The following PCDH15 variants were observed in gnomAD, a reference collection of about 807,000 sequenced individuals.
PCDH15 encodes the protein protocadherin related 15.
Under a neutral mutation model 178.5 loss-of-function variants are expected in PCDH15, and 129 were observed. The observed-to-expected ratio is 0.72, with a 90% CI of 0.63 to 0.84. The LOEUF (loss-of-function observed/expected upper bound fraction) is 0.84, where lower values mean the gene tolerates loss of function less well. Ranked by LOEUF, PCDH15 falls within the 40% of genes least tolerant of loss-of-function variation. The pLI is 0.00. For synonymous variants in PCDH15, 800 were observed against 732.0 expected, an observed-to-expected ratio of 1.09 and a Z score of -1.50; for missense variants, 2,230 against 2,099.9, an observed-to-expected ratio of 1.06 and a Z score of -1.21.
chr10:54,449,570 C>T (rs967894561), intron 3 of PCDH15, among the ~76,000 whole-genome samples: 3 of 151,624 alleles, frequency 2.0e-5, no homozygotes, highest in East Asian at 3.9e-4. Context: ...TCAGGATATG[C>T]CTAAAAACTG....
At chr10:55,131,845 G>T (rs1252671370) in intron 2 of PCDH15, among the ~76,000 whole-genome samples, 1 of 152,152 alleles carries the variant, frequency 6.6e-6, no homozygotes, top group East Asian at 1.9e-4. Flanking sequence ...CCCAGAAAAA[G>T]CACCATGAAT....
chr10:53,853,430 G>A (rs1290807227), intron 28 of PCDH15, among the ~76,000 whole-genome samples: 1 of 152,002 alleles, frequency 6.6e-6, no homozygotes. Context: ...GACTACCTCT[G>A]ACTTTAAAAC....
At chr10:54,963,593 A>G (rs1280224711) in intron 2 of PCDH15, among the ~76,000 whole-genome samples, 1 of 152,230 alleles carries the variant, frequency 6.6e-6, no homozygotes, top group Admixed American at 6.5e-5. Context: ...AAAGGTGAAT[A>G]TTAGGCAACA....
intron 2 of PCDH15, among the ~76,000 whole-genome samples, chr10:54,979,894 A>G (rs956881866): frequency 6.6e-6 from 1 of 152,164 alleles, no homozygotes; most frequent in African/African-American, 2.4e-5. Flanking sequence ...TGTCTAAGAT[A>G]AATTTTGGTT....
At chr10:54,827,450 G>C (rs1175948876) in intron 3 of PCDH15, among the ~76,000 whole-genome samples, 2 of 151,992 alleles carry the variant, frequency 1.3e-5, no homozygotes, top group East Asian at 1.9e-4. Context: ...AGCCTCCTGA[G>C]CCTTGGTCTT....
intron 8 of PCDH15, among the ~76,000 whole-genome samples, chr10:54,294,371 A>G (rs2059614325): frequency 6.6e-6 from 1 of 152,176 alleles, no homozygotes. Flanking sequence ...GTAAATGACG[A>G]GTTAATGGGT....
At chr10:54,809,013 T>G (rs1045359244) in intron 3 of PCDH15, among the ~76,000 whole-genome samples, 4 of 152,026 alleles carry the variant, frequency 2.6e-5, no homozygotes, top group Admixed American at 2.6e-4. Context: ...GAAACAGTAT[T>G]TTTCGTCCTG....
chr10:54,785,234 A>AT (rs1210604573), intron 1 of PCDH15, among the ~76,000 whole-genome samples: 4 of 151,728 alleles, frequency 2.6e-5, no homozygotes, highest in African/African-American at 9.7e-5. Flanking sequence ...AAATAACTTT[A>AT]TTTTTTTCTT....
At chr10:54,244,705 C>A (rs1347067586) in intron 8 of PCDH15, among the ~76,000 whole-genome samples, 1 of 152,196 alleles carries the variant, frequency 6.6e-6, no homozygotes, top group African/African-American at 2.4e-5. Context: ...CTGGTTCCTA[C>A]TTCTCACACT....
chr10:55,601,248 T>A (rs1203728860), intron 2 of PCDH15, among the ~76,000 whole-genome samples: 2 of 152,196 alleles, frequency 1.3e-5, no homozygotes, highest in African/African-American at 2.4e-5. Context: ...ACACATACAC[T>A]TATATATTGA....
At chr10:54,753,044 A>T (rs745722551) in intron 1 of PCDH15, among the ~76,000 whole-genome samples, 5 of 152,234 alleles carry the variant, frequency 3.3e-5, no homozygotes, top group Non-Finnish European at 7.3e-5. Flanking sequence ...CTGCCTATTT[A>T]TCACATACTA....
At chr10:55,605,458 G>T (rs1162276224) in intron 2 of PCDH15, among the ~76,000 whole-genome samples, 8 of 150,744 alleles carry the variant, frequency 5.3e-5, no homozygotes, top group Non-Finnish European at 7.4e-5. Flanking sequence ...GACAATTTTA[G>T]ACCAATATCC....
intron 4 of PCDH15, among the ~76,000 whole-genome samples, chr10:54,373,018 GA>G (rs1036082888): frequency 2.0e-5 from 3 of 151,450 alleles, no homozygotes; most frequent in Non-Finnish European, 4.4e-5. Context: ...CTCTGAAAAA[GA>G]AAAAAATATA....
chr10:55,253,427 C>T (rs1366262484), intron 1 of PCDH15, among the ~76,000 whole-genome samples: 1 of 151,694 alleles, frequency 6.6e-6, no homozygotes, highest in African/African-American at 2.4e-5. Context: ...AATTTTACTA[C>T]CTAAGTCTTG....
At chr10:54,962,211 G>A (rs1027110173) in intron 2 of PCDH15, among the ~76,000 whole-genome samples, 6 of 152,198 alleles carry the variant, frequency 3.9e-5, no homozygotes, top group Non-Finnish European at 5.9e-5. Flanking sequence ...GAGTGGTGAC[G>A]TTTCTGGGAG....
chr10:54,408,052 C>CAAAAAAAAAAAAA (rs71461239), intron 3 of PCDH15, among the ~76,000 whole-genome samples: 2 of 83,728 alleles, frequency 2.4e-5, no homozygotes, highest in African/African-American at 4.7e-5. Flanking sequence ...GAGACTCTGT[C>CAAAAAAAAAAAAA]AAAAAAAAAA....
intron 1 of PCDH15, among the ~76,000 whole-genome samples, chr10:55,189,861 T>C (rs915569078): frequency 4.0e-5 from 6 of 151,778 alleles, no homozygotes; most frequent in African/African-American, 1.4e-4. Context: ...TTTTATGGTA[T>C]TCACTAGAGC....
intron 2 of PCDH15, among the ~76,000 whole-genome samples, chr10:54,594,430 C>T (rs922688938): frequency 5.3e-5 from 8 of 152,138 alleles, no homozygotes; most frequent in African/African-American, 1.9e-4. Context: ...GTGCTGTCTT[C>T]TCTTTGGGCC....
intron 3 of PCDH15, among the ~76,000 whole-genome samples, chr10:54,829,728 A>G (rs1953191425): frequency 6.6e-6 from 1 of 152,092 alleles, no homozygotes; most frequent in Non-Finnish European, 1.5e-5. Context: ...AAAAAAGACA[A>G]TATGGACCAC....
Sources: allele counts gnomAD v4.1 joint callset (sites outside exome capture counted in the v4.1 genomes callset), GRCh38; gene constraint gnomAD v4.1.1; transcripts MANE v1.5; gene names NCBI Gene and HGNC (gene_info 2026-07-23, HGNC 2026-07-21).